The following GGA2 variants were observed in gnomAD, a reference collection of about 807,000 sequenced individuals.
GGA2 encodes ADP-ribosylation factor-binding protein GGA2.
GGA2 carries 48 observed loss-of-function variants against 79.5 expected under a neutral mutation model. The observed-to-expected ratio is 0.60, with a 90% CI of 0.48 to 0.77. The LOEUF (loss-of-function observed/expected upper bound fraction) is 0.77, where lower values mean the gene tolerates loss of function less well. Among genes scored for constraint, GGA2 ranks in the 30% least tolerant of loss-of-function variants. The pLI, the probability that GGA2 is intolerant of heterozygous loss-of-function variation, is 0.00. For synonymous variants in GGA2, 317 were observed against 302.0 expected (o/e 1.05, Z -0.51); for missense variants, 770 against 774.0 (o/e 0.99, Z 0.06).
intron 8 of GGA2, among the ~76,000 whole-genome samples, chr16:23,484,626 T>C (rs1964690112): frequency 6.6e-6 from 1 of 152,136 alleles, no homozygotes; most frequent in African/African-American, 2.4e-5. Context: ...CCAATGAGCA[T>C]AGGAAATAAA....
At chr16:23,519,567 G>A (rs1274303661) in intron 2 of GGA2, 5 of 407,746 alleles carry the variant, frequency 1.2e-5, no homozygotes, top group South Asian at 5.2e-5. Flanking sequence ...TGGTGATGTA[G>A]GAGAAGAGAG....
chr16:23,477,250 G>A (rs1406221756), intron 13 of GGA2, among the ~76,000 whole-genome samples: 1 of 152,086 alleles, frequency 6.6e-6, no homozygotes, highest in Non-Finnish European at 1.5e-5. Flanking sequence ...GTTTGGCTGT[G>A]TCCCCACCCA....
chr16:23,487,308 A>T (rs758949392), intron 6 of GGA2, among the ~76,000 whole-genome samples: 245 of 151,954 alleles, frequency 1.6e-3, no homozygotes, highest in Non-Finnish European at 3.0e-3. Context: ...GGGTAGGGGG[A>T]TGTGGGGGTT....
Position 23,480,608 on chromosome 16 carries a change from C to T in GGA2, c.1006+37G>A, listed in dbSNP as rs200759772. ...CTTTTCTGGGAATTACAGGCTGCCC[C>T]AAGGCAGAGAAGGCAAGGAGAAGCT... On this transcript the variant is annotated intron_variant, in intron 10 of 16. Coordinates refer to ENST00000309859, the MANE Select transcript of GGA2 (RefSeq NM_015044.4). The T allele has an allele frequency of 4.7e-3, 7,500 of 1,579,112 alleles. 309 individuals are homozygous for T. In the Admixed American group the frequency reaches 0.091, roughly 19 times the overall value.
intron 1 of GGA2, among the ~76,000 whole-genome samples, chr16:23,502,391 G>C (rs544407378): frequency 5.0e-4 from 76 of 152,128 alleles, no homozygotes; most frequent in Admixed American, 7.2e-4. Context: ...GATTGTTAGG[G>C]GAGCTACCGA....
chr16:23,520,700 CA>C (rs1965134884), intron 1 of GGA2, among the ~76,000 whole-genome samples: 1 of 151,408 alleles, frequency 6.6e-6, no homozygotes, highest in Non-Finnish European at 1.5e-5. Flanking sequence ...GCAAAACCCT[CA>C]AACAGAAGAC....
intron 1 of GGA2, among the ~76,000 whole-genome samples, chr16:23,503,584 G>A (rs1406806990): frequency 6.6e-6 from 1 of 152,130 alleles, no homozygotes; most frequent in Non-Finnish European, 1.5e-5. Flanking sequence ...CTTACGATGA[G>A]TTTATTATCT....
intron 14 of GGA2, among the ~76,000 whole-genome samples, chr16:23,474,021 A>G (rs1046724481): frequency 1.3e-5 from 2 of 152,182 alleles, no homozygotes; most frequent in Non-Finnish European, 2.9e-5. Context: ...AGACGACCTG[A>G]GTTGTGTCCT....
At chr16:23,481,028 C>G (rs1007693584) in intron 9 of GGA2, among the ~76,000 whole-genome samples, 5 of 152,182 alleles carry the variant, frequency 3.3e-5, no homozygotes, top group African/African-American at 1.2e-4. Context: ...TAATGGCCAG[C>G]AGTAAGCACT....
At chr16:23,495,611 C>T (rs999491209) in intron 2 of GGA2, 83 bp downstream of exon 2, 11 of 768,088 alleles carry the variant, frequency 1.4e-5, no homozygotes, top group Non-Finnish European at 2.2e-5. Context: ...GAGCTTAACC[C>T]TAAAACAGTC....
Position 23,479,791 on chromosome 16 carries a change from A to G in GGA2, c.1103T>C (p.Leu368Ser), listed in dbSNP as rs1246691472. The change falls in exon 11 of 17, where the codon TTG becomes TCG. Residue 368 changes from leucine to serine, a missense_variant. Transcript: ENST00000309859. ...PAQMGTVVPS[L>S]LHQDLAALGI... ...CAAGGCTGCCAGGTCCTGATGAAGC[A>G]AAGATGGCACCACAGTCCCCATCTG... The G allele has an allele frequency of 6.2e-7, 1 of 1,614,172 alleles. No individual in the cohort carries two copies.
At chr16:23,476,886 T>A (rs1964582149) in intron 13 of GGA2, among the ~76,000 whole-genome samples, 1 of 152,218 alleles carries the variant, frequency 6.6e-6, no homozygotes, top group East Asian at 1.9e-4. Flanking sequence ...TCTTTTCAGA[T>A]GTCTTGGCCA....
At chr16:23,495,668 A>T (rs1347528327) in intron 2 of GGA2, 26 bp downstream of exon 2, 1 of 1,373,368 alleles carries the variant, frequency 7.3e-7, no homozygotes, top group Non-Finnish European at 1.0e-6. Flanking sequence ...CCCAGAGTCA[A>T]CTATGTGTGT....
At chr16:23,480,616 AG>A (rs765638642) in intron 10 of GGA2, 28 bp downstream of exon 10, 1 of 1,589,420 alleles carries the variant, frequency 6.3e-7, no homozygotes, top group Non-Finnish European at 8.6e-7. Context: ...CCCAAGGCAG[AG>A]AAGGCAAGGA....
chr16:23,490,224 C>T lies in GGA2; in HGVS notation c.475+1453G>A, dbSNP rs140597795. 9.1e-3 allele frequency among the ~76,000 whole-genome samples: 1,387 copies of T among 152,276 alleles called. 14 individuals are homozygous for T. Among genetic ancestry groups the T allele is most frequent in the Non-Finnish European group, 0.013 (875 of 68,024 alleles). ...AAACATCAGCTAACACTAGAGGAAT[C>T]TGAAGTCTGATATAGTAACTACAGC... On this transcript the variant is annotated intron_variant, in intron 5 of 16. Coordinates refer to ENST00000309859, the MANE Select transcript of GGA2 (RefSeq NM_015044.4).
At chr16:23,475,344 C>G (rs1964564215) in intron 13 of GGA2, among the ~76,000 whole-genome samples, 1 of 151,740 alleles carries the variant, frequency 6.6e-6, no homozygotes. Flanking sequence ...CACCTGCCAC[C>G]ATGTCCGACT....
chr16:23,499,893 T>C (rs1596993194), intron 1 of GGA2, among the ~76,000 whole-genome samples: 1 of 152,152 alleles, frequency 6.6e-6, no homozygotes. Flanking sequence ...GGGCGGGGCC[T>C]GGTGAACCAC....
At chr16:23,512,603 C>T (rs1019209183), upstream of GGA2, among the ~76,000 whole-genome samples, 1 of 151,722 alleles carries the variant, frequency 6.6e-6, no homozygotes, top group Admixed American at 6.6e-5. Context: ...CCCCCACTTG[C>T]ACATCCATTT....
intron 2 of GGA2, among the ~76,000 whole-genome samples, chr16:23,515,573 CAA>C (rs57148954): frequency 4.5e-5 from 5 of 111,426 alleles, no homozygotes; most frequent in Admixed American, 1.0e-4. Context: ...CTCCAGCCTG[CAA>C]AAAAAAAAAA....
Sources: gnomAD v4.1 joint callset for allele counts (sites outside exome capture counted in the v4.1 genomes callset) on GRCh38, gnomAD v4.1.1 for gene constraint, MANE v1.5 for transcripts, NCBI Gene and HGNC (gene_info 2026-07-23, HGNC 2026-07-21) for gene names.